Variants in DPP10 observed in about 807,000 individuals in gnomAD.
DPP10 encodes inactive dipeptidyl peptidase 10.
In DPP10, 33 loss-of-function variants were observed where a neutral mutation model predicts 120.9. The ratio of observed to expected loss-of-function variants is 0.27; its 90% CI spans 0.21 to 0.37. The LOEUF is 0.37. DPP10 is among the 10% of genes least tolerant of loss of function. DPP10 has a pLI of 1.00. For missense variants in DPP10, 816 were observed against 942.8 expected, an observed-to-expected ratio of 0.87 and a Z score of 1.76; for synonymous variants, 337 against 326.1, an observed-to-expected ratio of 1.03 and a Z score of -0.36.
intron 1 of DPP10, among the ~76,000 whole-genome samples, chr2:115,042,859 A>AT (rs1477361911): frequency 1.3e-5 from 2 of 152,188 alleles, no homozygotes; most frequent in African/African-American, 2.4e-5. Flanking sequence ...CTTGTATATC[A>AT]TTTTGAAGTT....
intron 5 of DPP10, among the ~76,000 whole-genome samples, chr2:115,567,049 A>G (rs1255805781): frequency 6.6e-6 from 1 of 152,174 alleles, no homozygotes. Flanking sequence ...CCGACTCATT[A>G]CATTTCAATT....
intron 5 of DPP10, among the ~76,000 whole-genome samples, chr2:115,617,672 G>T (rs557583906): frequency 1.5e-4 from 23 of 151,902 alleles, no homozygotes; most frequent in Admixed American, 2.6e-4. Flanking sequence ...ATACTACATA[G>T]CCTAGGTGTG....
At chr2:114,999,601 G>A (rs1701308152) in intron 1 of DPP10, among the ~76,000 whole-genome samples, 1 of 151,986 alleles carries the variant, frequency 6.6e-6, no homozygotes, top group Non-Finnish European at 1.5e-5. Flanking sequence ...TTCTTATCTT[G>A]AGGCCTTTGT....
intron 1 of DPP10, among the ~76,000 whole-genome samples, chr2:114,895,536 A>T (rs1367965043): frequency 2.0e-5 from 3 of 152,188 alleles, no homozygotes; most frequent in South Asian, 2.1e-4. Context: ...TCCTGGGCAG[A>T]TGCCAAAGGA....
intron 1 of DPP10, among the ~76,000 whole-genome samples, chr2:115,274,082 ATTGT>A (rs2059811402): frequency 6.6e-6 from 1 of 151,772 alleles, no homozygotes; most frequent in African/African-American, 2.4e-5. Flanking sequence ...ATCATGCAGA[ATTGT>A]TTGTGTGTGT....
rs528534202 is a variant in DPP10 at position 114,919,284 on chromosome 2, G to A, written c.61-389955G>A. ...TGGCTAGAAAAAAAATCAACTTGAA[G>A]TCACACTTTCACTCTTTTGTCTCAC... On this transcript the variant is annotated intron_variant, in intron 1 of 25. Coordinates refer to ENST00000410059, the MANE Select transcript of DPP10 (RefSeq NM_020868.6). Among the ~76,000 whole-genome samples, 337 of 152,252 alleles carry A rather than the reference G, an allele frequency of 2.2e-3. 1 individual carries two copies. The highest frequency in any genetic ancestry group is 3.9e-3 in the Non-Finnish European group (268 of 67,994).
chr2:115,801,363 T>C (rs965773414), intron 19 of DPP10, among the ~76,000 whole-genome samples: 1 of 152,120 alleles, frequency 6.6e-6, no homozygotes. Flanking sequence ...TCTAAATATA[T>C]AATCATGTCA....
In DPP10 at chr2:114,804,302, G is replaced by A. The variant is rs111771080; in HGVS notation, c.60+361464G>A. On this transcript the variant is annotated intron_variant, in intron 1 of 25. Transcript: ENST00000410059. Reference sequence around the variant, plus strand: ...GGTAGGGCCCTTAAGGAGAACCTCTGCTAGGGCAGTGCAGAAGGGAAATGT... The same window carrying A: ...GGTAGGGCCCTTAAGGAGAACCTCTACTAGGGCAGTGCAGAAGGGAAATGT... Among the ~76,000 whole-genome samples the A allele has an allele frequency of 3.3e-3, 504 of 152,314 alleles. 4 individuals are homozygous for A. Among genetic ancestry groups the A allele is most frequent in the African/African-American group, 0.012 (483 of 41,578 alleles).
chr2:115,568,596 T>G (rs1175796097), intron 5 of DPP10, among the ~76,000 whole-genome samples: 1 of 152,190 alleles, frequency 6.6e-6, no homozygotes, highest in Non-Finnish European at 1.5e-5. Context: ...TGTCTATTTT[T>G]GGGGGTGATT....
intron 1 of DPP10, among the ~76,000 whole-genome samples, chr2:114,691,829 G>A (rs1699768489): frequency 6.6e-6 from 1 of 151,928 alleles, no homozygotes; most frequent in Non-Finnish European, 1.5e-5. Flanking sequence ...ATGTGTCCAG[G>A]AATTTGTCTA....
At chr2:115,705,345 C>G (rs1241901920) in intron 7 of DPP10, among the ~76,000 whole-genome samples, 1 of 151,916 alleles carries the variant, frequency 6.6e-6, no homozygotes, top group Non-Finnish European at 1.5e-5. Context: ...TTAATCTCAT[C>G]AGGATGTGTT....
chr2:115,836,375 T>C, intron 22 of DPP10, 119 bp downstream of exon 22: 1 of 1,382,850 alleles, frequency 7.2e-7, no homozygotes, highest in Non-Finnish European at 1.0e-6. Flanking sequence ...TGTTTTCAGC[T>C]GTTTATCTCC....
chr2:115,380,961 C>G (rs1331996619), intron 3 of DPP10, among the ~76,000 whole-genome samples: 1 of 152,130 alleles, frequency 6.6e-6, no homozygotes, highest in Non-Finnish European at 1.5e-5. Flanking sequence ...GGTAACCTGA[C>G]CTTTCTCTCT....
chr2:115,438,374 A>T (rs943454967), intron 3 of DPP10, among the ~76,000 whole-genome samples: 1 of 152,168 alleles, frequency 6.6e-6, no homozygotes, highest in Non-Finnish European at 1.5e-5. Context: ...ACTGCTATGT[A>T]TGCTAGGTAT....
intron 1 of DPP10, among the ~76,000 whole-genome samples, chr2:114,561,018 A>C (rs1420896703): frequency 6.6e-6 from 1 of 152,188 alleles, no homozygotes; most frequent in Non-Finnish European, 1.5e-5. Context: ...CCAGCAGGGA[A>C]TCCTAAGGAA....
intron 1 of DPP10, among the ~76,000 whole-genome samples, chr2:114,506,123 A>T (rs1946541): frequency 6.6e-6 from 1 of 152,022 alleles, no homozygotes; most frequent in Admixed American, 6.5e-5. Context: ...GAACATACAT[A>T]CCTGTTTTCC....
chr2:115,816,022 C>T (rs1250438709), intron 21 of DPP10, among the ~76,000 whole-genome samples: 1 of 151,632 alleles, frequency 6.6e-6, no homozygotes, highest in African/African-American at 2.4e-5. Context: ...TCTGTATTAT[C>T]CTTTAAAAAA....
chr2:114,692,922 T>C (rs1334440664), intron 1 of DPP10, among the ~76,000 whole-genome samples: 1 of 152,042 alleles, frequency 6.6e-6, no homozygotes, highest in Non-Finnish European at 1.5e-5. Flanking sequence ...CTGATTTCTA[T>C]TTGCTTGGTA....
chr2:115,816,521 A>G (rs1488204206), intron 21 of DPP10, among the ~76,000 whole-genome samples: 1 of 152,212 alleles, frequency 6.6e-6, no homozygotes, highest in Non-Finnish European at 1.5e-5. Context: ...TACTTATTGC[A>G]GTAACTGTTA....
Sources: allele counts gnomAD v4.1 joint callset (sites outside exome capture counted in the v4.1 genomes callset), GRCh38; gene constraint gnomAD v4.1.1; transcripts MANE v1.5; gene names NCBI Gene and HGNC (gene_info 2026-07-23, HGNC 2026-07-21).